Variants in ST18 observed in about 807,000 individuals in gnomAD.
ST18 encodes ST18 C2H2C-type zinc finger transcription factor, also known as suppression of tumorigenicity 18 protein.
A neutral mutation model predicts 110.0 loss-of-function variants in ST18; 50 were observed. That is an observed-to-expected ratio of 0.45 (90% CI 0.36 to 0.58). The LOEUF (loss-of-function observed/expected upper bound fraction) is 0.58, where lower values mean the gene tolerates loss of function less well. Among genes scored for constraint, ST18 ranks in the 20% least tolerant of loss-of-function variants. The pLI is 0.00. For synonymous variants in ST18, 461 were observed against 452.4 expected (o/e 1.02, Z -0.24); for missense variants, 1,306 against 1,280.1 (o/e 1.02, Z -0.31).
At chr8:52,276,153 C>CACACATCAAACACACACAACATACCACAT (rs1564393049) in intron 2 of ST18, among the ~76,000 whole-genome samples, 490 of 12,964 alleles carry the variant, frequency 0.038, 4 homozygotes, top group Non-Finnish European at 0.039. Context: ...ATGCACACCA[C>CACACATCAAACACACACAACATACCACAT]GCACCACACA....
intron 2 of ST18, among the ~76,000 whole-genome samples, chr8:52,378,358 C>T (rs1361063713): frequency 6.6e-6 from 1 of 152,064 alleles, no homozygotes; most frequent in Non-Finnish European, 1.5e-5. Flanking sequence ...ACATGTACCC[C>T]ACAAATATAT....
At chr8:52,210,394 C>T (rs1453505902) in intron 8 of ST18, among the ~76,000 whole-genome samples, 1 of 152,124 alleles carries the variant, frequency 6.6e-6, no homozygotes, top group Non-Finnish European at 1.5e-5. Flanking sequence ...GGTGCAGTGG[C>T]TCACTCCTGT....
At chr8:52,188,415 G>C (rs79903920) in intron 8 of ST18, among the ~76,000 whole-genome samples, 1 of 152,164 alleles carries the variant, frequency 6.6e-6, no homozygotes, top group Non-Finnish European at 1.5e-5. Context: ...AGATAGCACC[G>C]TGCAAGGCAC....
intron 2 of ST18, among the ~76,000 whole-genome samples, chr8:52,273,662 C>G (rs1018313841): frequency 6.6e-6 from 1 of 152,190 alleles, no homozygotes; most frequent in Non-Finnish European, 1.5e-5. Flanking sequence ...GCTGCTCAGG[C>G]AAAATGGGTT....
At chr8:52,390,116 C>T (rs1024391027) in intron 2 of ST18, among the ~76,000 whole-genome samples, 2 of 152,020 alleles carry the variant, frequency 1.3e-5, no homozygotes, top group Non-Finnish European at 2.9e-5. Context: ...GGGCCGTTTC[C>T]CATGCGAGCA....
intron 8 of ST18, among the ~76,000 whole-genome samples, chr8:52,195,213 A>G (rs555987658): frequency 5.1e-4 from 77 of 152,326 alleles, no homozygotes; most frequent in South Asian, 1.2e-3. Flanking sequence ...AGATAAAATT[A>G]GAAAATTGAA....
At chr8:52,376,334 C>T (rs1368172299) in intron 2 of ST18, among the ~76,000 whole-genome samples, 1 of 152,174 alleles carries the variant, frequency 6.6e-6, no homozygotes, top group East Asian at 1.9e-4. Context: ...TGAACACACC[C>T]AGCTCACCCA....
At chr8:52,260,243 C>T (rs1465242475) in intron 2 of ST18, among the ~76,000 whole-genome samples, 1 of 152,038 alleles carries the variant, frequency 6.6e-6, no homozygotes, top group Admixed American at 6.5e-5. Flanking sequence ...ATCTCTATAC[C>T]TATACCTATG....
Position 52,171,800 on chromosome 8 carries a change from T to C in ST18, c.1061A>G (p.Asn354Ser). Reference protein sequence around the residue: ...VIDMGGRQIFNNKHSPRPEKR... With the variant: ...VIDMGGRQIFSNKHSPRPEKR... ...GCAAAAATGTGTCTTACGTTTATTG[T>C]TAAAGATTTGTCTTCCACCCATGTC... Residue 354 changes from asparagine to serine, a missense_variant, in exon 10 of 26, where the codon AAC becomes AGC. By Grantham distance (46) the Asn-to-Ser change is conservative (BLOSUM62 1). Transcript: ENST00000689386. 6.2e-7 allele frequency: 1 copy of C among 1,611,834 alleles called. No individual in the cohort carries two copies. The highest frequency in any genetic ancestry group is 8.5e-7 in the Non-Finnish European group (1 of 1,178,292).
intron 2 of ST18, among the ~76,000 whole-genome samples, chr8:52,292,687 G>A (rs1407241580): frequency 6.6e-6 from 1 of 152,206 alleles, no homozygotes; most frequent in Non-Finnish European, 1.5e-5. Context: ...ACTCCTATGT[G>A]TGTCTATTGA....
intron 2 of ST18, among the ~76,000 whole-genome samples, chr8:52,337,924 C>T (rs1042970043): frequency 6.6e-6 from 1 of 152,226 alleles, no homozygotes; most frequent in Non-Finnish European, 1.5e-5. Context: ...TGACCTACAA[C>T]TATAGCCCAT....
At chr8:52,267,743 G>T (rs2138808981) in intron 2 of ST18, among the ~76,000 whole-genome samples, 1 of 152,282 alleles carries the variant, frequency 6.6e-6, no homozygotes, top group South Asian at 2.1e-4. Context: ...TGTTAAGCGG[G>T]GTATTCTCTC....
chr8:52,158,766 C>A lies in ST18; in HGVS notation c.1806+132G>T, dbSNP rs2278153. ...CTGCCTGCGTTCCTCTGAGCCTCTT[C>A]CTGAGACAGGGAGGGGATCGCTTCA... On this transcript the variant is annotated intron_variant, in intron 15 of 25. Transcript: ENST00000689386. The A allele has an allele frequency of 0.17, 174,663 of 1,045,754 alleles. 15,593 individuals are homozygous for A. Among genetic ancestry groups the A allele is most frequent in the South Asian group, 0.19 (13,245 of 68,242 alleles). 64.8% of individuals were successfully genotyped at this position (1,045,754 alleles called of 1,614,324 possible). A position where few individuals can be genotyped will look rare whatever the true frequency, so the allele number is the denominator to read the frequency against.
chr8:52,380,738 G>A (rs117349320), intron 2 of ST18, among the ~76,000 whole-genome samples: 1 of 152,212 alleles, frequency 6.6e-6, no homozygotes, highest in Non-Finnish European at 1.5e-5. Flanking sequence ...TCCTCCTAGA[G>A]GCCTGGCAAT....
intron 2 of ST18, among the ~76,000 whole-genome samples, chr8:52,293,993 C>T (rs756010265): frequency 2.6e-5 from 4 of 152,148 alleles, no homozygotes; most frequent in Admixed American, 1.3e-4. Flanking sequence ...GCCCATAGCC[C>T]GCTTTTCCAT....
intron 2 of ST18, among the ~76,000 whole-genome samples, chr8:52,343,401 G>A (rs561438730): frequency 1.3e-5 from 2 of 152,276 alleles, no homozygotes; most frequent in East Asian, 3.9e-4. Context: ...TACTCACAGA[G>A]CTGGAAACGA....
chr8:52,175,221 G>A (rs767155292), intron 9 of ST18, among the ~76,000 whole-genome samples: 7 of 152,156 alleles, frequency 4.6e-5, no homozygotes, highest in Non-Finnish European at 1.0e-4. Context: ...AGTCAAGGGT[G>A]GCTCTCTTGC....
intron 5 of ST18, among the ~76,000 whole-genome samples, chr8:52,219,245 T>C (rs965151369): frequency 2.0e-5 from 3 of 152,210 alleles, no homozygotes; most frequent in African/African-American, 7.2e-5. Flanking sequence ...AGGATGCTAG[T>C]TGACTTGTGG....
rs780460101 is a variant in ST18 at position 52,149,817 on chromosome 8, A to G, written c.1967T>C (p.Phe656Ser). 8 of 1,614,052 alleles carry G rather than the reference A, an allele frequency of 5.0e-6. No individual in the cohort carries two copies. The highest frequency in any genetic ancestry group is 8.5e-7 in the Non-Finnish European group (1 of 1,180,020). The stretch of plus-strand genomic sequence containing the variant: ...CTCTTGGTCACAAAGAGCCTGATAG[A>G]ATGCTGCATTGACCAGAATGCTGCT... Reference protein sequence around the residue: ...KTSSILVNAAFYQALCDQEGW... With the variant: ...KTSSILVNAASYQALCDQEGW... The change falls in exon 16 of 26, where the codon TTC becomes TCC. Residue 656 changes from phenylalanine to serine, a missense_variant. Phe to Ser is a radical substitution (Grantham distance 155). Coordinates refer to ENST00000689386, the MANE Select transcript of ST18 (RefSeq NM_001352837.2).
Sources: gnomAD v4.1 joint callset for allele counts (sites outside exome capture counted in the v4.1 genomes callset) on GRCh38, gnomAD v4.1.1 for gene constraint, MANE v1.5 for transcripts, NCBI Gene and HGNC (gene_info 2026-07-23, HGNC 2026-07-21) for gene names.